The following ABRAXAS2 variants were observed in gnomAD, a reference collection of about 807,000 sequenced individuals.
The protein encoded by ABRAXAS2 is BRISC complex subunit Abraxas 2.
In ABRAXAS2, 23 loss-of-function variants were observed where a neutral mutation model predicts 49.0. That is an observed-to-expected ratio of 0.47 (90% confidence interval 0.34 to 0.66). The LOEUF (loss-of-function observed/expected upper bound fraction) is 0.66. Ranked by LOEUF, ABRAXAS2 falls within the 30% of genes least tolerant of loss-of-function variation. The pLI is 0.01. For missense variants in ABRAXAS2, 443 were observed against 511.9 expected, an observed-to-expected ratio of 0.87 and a Z score of 1.30; for synonymous variants, 168 against 180.2, an observed-to-expected ratio of 0.93 and a Z score of 0.54.
Position 124,819,369 on chromosome 10 carries a change from T to G in ABRAXAS2, c.201-15T>G. Reference sequence around the variant, plus strand: ...ACTATGTGGTGTTAGTACAAGATTTTTTTCTCTTAAACAGTTTTTATGACT... The same window carrying G: ...ACTATGTGGTGTTAGTACAAGATTTGTTTCTCTTAAACAGTTTTTATGACT... On this transcript the variant is annotated splice_polypyrimidine_tract_variant and intron_variant, in intron 3 of 8. Coordinates refer to ENST00000298492, the MANE Select transcript of ABRAXAS2 (RefSeq NM_032182.4). The G allele has an allele frequency of 6.2e-7, 1 of 1,612,540 alleles. No individual in the cohort carries two copies.
chr10:124,822,849 A>G (rs1950871049), intron 4 of ABRAXAS2, among the ~76,000 whole-genome samples: 2 of 151,866 alleles, frequency 1.3e-5, no homozygotes, highest in Non-Finnish European at 2.9e-5. Flanking sequence ...GTAGGGACAC[A>G]TTTGTAAATT....
chr10:124,802,296 C>T (rs1176159299), intron 1 of ABRAXAS2, among the ~76,000 whole-genome samples: 1 of 152,110 alleles, frequency 6.6e-6, no homozygotes, highest in African/African-American at 2.4e-5. Flanking sequence ...GCGTTTAGTC[C>T]AGTAGGCGAG....
intron 1 of ABRAXAS2, among the ~76,000 whole-genome samples, chr10:124,804,195 A>G (rs1436169512): frequency 6.6e-6 from 1 of 152,322 alleles, no homozygotes; most frequent in Non-Finnish European, 1.5e-5. Context: ...GACCCACCGC[A>G]TCTGACCTAG....
chr10:124,812,628 G>C (rs1243499214), intron 2 of ABRAXAS2, among the ~76,000 whole-genome samples: 2 of 152,124 alleles, frequency 1.3e-5, no homozygotes, highest in African/African-American at 4.8e-5. Context: ...GGGTGATAGA[G>C]CAAGACCTTG....
In ABRAXAS2 at chr10:124,834,739, C is replaced by G; in HGVS notation, c.1016C>G (p.Ser339Cys). Residue 339 changes from serine to cysteine, a missense_variant, in exon 9 of 9, where the codon TCT becomes TGT. Around this residue, in one of 3 missense-constraint regions of ABRAXAS2, gnomAD observed 230 missense variants for 237.0 expected, o/e 0.97. Transcript: ENST00000298492. ...ATGCCTCGACCTCAAGCTGTGGGCT[C>G]TTCCAATTATGCTTCCACCAGTGCC... is the stretch of plus-strand genomic sequence containing the variant. ...VFMPRPQAVG[S>C]SNYASTSAGL... 6.2e-7 allele frequency: 1 copy of G among 1,614,126 alleles called. No individual in the cohort carries two copies. Among genetic ancestry groups the G allele is most frequent in the Non-Finnish European group, 8.5e-7 (1 of 1,180,032 alleles).
chr10:124,821,938 C>T (rs115904003), intron 4 of ABRAXAS2, among the ~76,000 whole-genome samples: 2,396 of 152,322 alleles, frequency 0.016, 47 homozygotes, highest in African/African-American at 0.054. Context: ...GCACGCTTCA[C>T]GTGTATTGAT....
At position 124,833,306 on chromosome 10, in the gene ABRAXAS2, C is replaced by CAA. The variant is rs35761950; in HGVS notation, c.779-1185_779-1184dup. Among the ~76,000 whole-genome samples, 80 of 144,068 alleles carry CAA rather than the reference C, an allele frequency of 5.6e-4. 1 individual carries two copies. The highest frequency in any genetic ancestry group is 1.2e-3 in the Admixed American group (18 of 14,452). The allele number at this position is 144,068 out of a possible 152,430, so 94.5% of individuals were successfully genotyped here. A position where few individuals can be genotyped will look rare whatever the true frequency, so the allele number is the denominator to read the frequency against. ...ACATGGCAAAACCCCATCTCTACTT[C>CAA]AAAAAAAAAAAAGCCAGGCATGGTG... On this transcript the variant is annotated intron_variant, in intron 8 of 8. Coordinates refer to ENST00000298492, the MANE Select transcript of ABRAXAS2 (RefSeq NM_032182.4).
chr10:124,802,279 A>G (rs1950710580), intron 1 of ABRAXAS2, among the ~76,000 whole-genome samples: 2 of 152,116 alleles, frequency 1.3e-5, no homozygotes. Flanking sequence ...AGGAATCTAA[A>G]GGCCGGGCGT....
intron 3 of ABRAXAS2, among the ~76,000 whole-genome samples, chr10:124,817,605 G>T (rs955750462): frequency 1.3e-5 from 2 of 151,970 alleles, no homozygotes; most frequent in Non-Finnish European, 2.9e-5. Flanking sequence ...AGTTCCTTCC[G>T]TAACGCCAGC....
intron 8 of ABRAXAS2, 70 bp downstream of exon 8, chr10:124,831,533 C>T (rs959151351): frequency 1.2e-5 from 10 of 813,362 alleles, no homozygotes; most frequent in Non-Finnish European, 2.0e-5. Flanking sequence ...TTATACTATA[C>T]AATAAATTAT....
In ABRAXAS2 at chr10:124,834,545, C is replaced by T. The variant is rs1368584865; in HGVS notation, c.822C>T (p.Ser274=). The change falls in exon 9 of 9, where the codon AGC becomes AGT. Residue 274 remains serine (S), a synonymous_variant. Coordinates refer to ENST00000298492, the MANE Select transcript of ABRAXAS2 (RefSeq NM_032182.4). ...AVLSRQMPSE[S]LDPAFSPRMP... is the part of the protein sequence containing the mutation. ...TAAGCAGACAGATGCCGTCTGAAAGCTTGGACCCAGCGTTCAGTCCTCGGA... is the reference window on the plus strand; with the variant it reads ...TAAGCAGACAGATGCCGTCTGAAAGTTTGGACCCAGCGTTCAGTCCTCGGA... 5.6e-6 allele frequency: 9 copies of T among 1,614,164 alleles called. No homozygotes were observed. The highest frequency in any genetic ancestry group is 7.6e-6 in the Non-Finnish European group (9 of 1,180,024).
chr10:124,833,554 G>A (rs1950948523), intron 8 of ABRAXAS2, among the ~76,000 whole-genome samples: 1 of 152,178 alleles, frequency 6.6e-6, no homozygotes, highest in African/African-American at 2.4e-5. Flanking sequence ...CCCAAAGCTG[G>A]ATAATAAAAC....
At chr10:124,828,935 A>C in intron 6 of ABRAXAS2, 60 bp downstream of exon 6, 1 of 1,567,822 alleles carries the variant, frequency 6.4e-7, no homozygotes. Flanking sequence ...TTTTGTTAAT[A>C]ACATTTAAAA....
At chr10:124,805,725 A>C (rs934499577) in intron 1 of ABRAXAS2, among the ~76,000 whole-genome samples, 10 of 152,322 alleles carry the variant, frequency 6.6e-5, no homozygotes, top group African/African-American at 2.2e-4. Context: ...TATTTCCATT[A>C]AGTTGGTCAG....
In ABRAXAS2 at chr10:124,801,879, G is replaced by C; in HGVS notation, c.50G>C (p.Ser17Thr). 6.2e-7 allele frequency: 1 copy of C among 1,613,224 alleles called. No individual in the cohort carries two copies. The highest frequency in any genetic ancestry group is 8.5e-7 in the Non-Finnish European group (1 of 1,179,768). The change falls in exon 1 of 9, where the codon AGC (serine) becomes ACC (threonine). Residue 17 changes from serine to threonine, a missense_variant. By Grantham distance (58) the Ser-to-Thr change is moderately conservative (BLOSUM62 1). Coordinates refer to ENST00000298492, the MANE Select transcript of ABRAXAS2 (RefSeq NM_032182.4). ...ACCTTCAGTGCTGTGTGTTTCCACAGCGCCAACAGCAACGCGGACCACGTA... is the reference window on the plus strand; with the variant it reads ...ACCTTCAGTGCTGTGTGTTTCCACACCGCCAACAGCAACGCGGACCACGTA... Reference protein sequence around the residue: ...GYTFSAVCFHSANSNADHEGF... With the variant: ...GYTFSAVCFHTANSNADHEGF...
intron 4 of ABRAXAS2, among the ~76,000 whole-genome samples, chr10:124,824,593 G>A (rs1387933417): frequency 1.3e-5 from 2 of 150,768 alleles, no homozygotes; most frequent in Non-Finnish European, 2.9e-5. Flanking sequence ...AAAATAGTTC[G>A]AATTGGCATA....
intron 1 of ABRAXAS2, among the ~76,000 whole-genome samples, chr10:124,806,387 T>A (rs551257942): frequency 6.6e-6 from 1 of 152,344 alleles, no homozygotes; most frequent in Non-Finnish European, 1.5e-5. Context: ...AAATCCTAAT[T>A]TTCTATGCCA....
intron 2 of ABRAXAS2, among the ~76,000 whole-genome samples, chr10:124,812,229 A>G (rs1251264931): frequency 6.6e-6 from 1 of 152,246 alleles, no homozygotes; most frequent in Non-Finnish European, 1.5e-5. Flanking sequence ...CATGACAACT[A>G]TCTTTTGCTG....
intron 7 of ABRAXAS2, among the ~76,000 whole-genome samples, chr10:124,830,912 T>C (rs2134172885): frequency 6.6e-6 from 1 of 152,388 alleles, no homozygotes; most frequent in South Asian, 2.1e-4. Context: ...TTGAAACTTT[T>C]TTCAACTTTT....
Sources: allele counts gnomAD v4.1 joint callset (sites outside exome capture counted in the v4.1 genomes callset), GRCh38; gene constraint gnomAD v4.1.1; regional missense constraint gnomAD v4.1.1; transcripts MANE v1.5; gene names NCBI Gene and HGNC (gene_info 2026-07-23, HGNC 2026-07-21).